The following TBC1D8B variants were observed in gnomAD, a reference collection of about 807,000 sequenced individuals.
TBC1D8B encodes RP11-321G1.1.
Under a neutral mutation model 82.9 loss-of-function variants are expected in TBC1D8B, and 75 were observed. The observed-to-expected ratio is 0.90, with a 90% CI of 0.75 to 1.10. The LOEUF (loss-of-function observed/expected upper bound fraction) is 1.10, where lower values mean the gene tolerates loss of function less well. Ranked by LOEUF, TBC1D8B falls within the 50% of genes least tolerant of loss-of-function variation. The pLI, the probability that TBC1D8B is intolerant of heterozygous loss-of-function variation, is 0.00. For synonymous variants in TBC1D8B, 276 were observed against 276.8 expected, an observed-to-expected ratio of 1.00 and a Z score of 0.03; for missense variants, 794 against 796.9, an observed-to-expected ratio of 1.00 and a Z score of 0.04.
At chrX:106,834,671 TA>T (rs1163989058) in intron 7 of TBC1D8B, among the ~76,000 whole-genome samples, 4 of 111,597 alleles carry the variant, frequency 3.6e-5, no homozygotes, top group Admixed American at 2.8e-4. Context: ...ACAATGGGGG[TA>T]CAGGCATTGG....
At chrX:106,872,683 C>T (rs1932857799) in intron 20 of TBC1D8B, among the ~76,000 whole-genome samples, 1 of 109,889 alleles carries the variant, frequency 9.1e-6, no homozygotes, top group African/African-American at 3.3e-5. Context: ...AGAAGTACCA[C>T]CTGGCCAGGC....
In TBC1D8B at chrX:106,874,284, C is replaced by A. The variant is rs1429993099; in HGVS notation, c.*319C>A. ...CAGGGGAATATGCTAAATGTTACCA[C>A]CAGAGGGCACAAGCATATCACTTTT... On this transcript the variant is annotated 3_prime_UTR_variant, in exon 21 of 21. Transcript: ENST00000357242. 1 of 145,184 alleles carries A rather than the reference C, an allele frequency of 6.9e-6. No homozygotes were observed. The highest frequency in any genetic ancestry group is 8.4e-5 in the Admixed American group (1 of 11,956). 12.0% of individuals were successfully genotyped at this position (145,184 alleles called of 1,213,427 possible).
intron 7 of TBC1D8B, chrX:106,829,076 A>T (rs941312506): frequency 1.9e-5 from 2 of 106,834 alleles, no homozygotes; most frequent in African/African-American, 7.5e-5. Flanking sequence ...CCTTAAGCTG[A>T]TAAGCAACTT....
intron 14 of TBC1D8B, among the ~76,000 whole-genome samples, chrX:106,861,206 G>T (rs1278582619): frequency 9.0e-6 from 1 of 111,371 alleles, no homozygotes; most frequent in African/African-American, 3.3e-5. Flanking sequence ...CTGTTGTTTT[G>T]GGGGGAAAAG....
At position 106,850,177 on chromosome X, in the gene TBC1D8B, G is replaced by C. The variant is rs1932557469; in HGVS notation, c.1990G>C (p.Val664Leu). The C allele has an allele frequency of 1.7e-6, 2 of 1,209,548 alleles. No homozygotes were observed. Among genetic ancestry groups the C allele is most frequent in the Admixed American group, 4.4e-5 (2 of 45,673 alleles). Reference sequence around the variant, plus strand: ...TAGTGTGCTACCTATTGAAAGTGCAGTGAATGTGGTGGACTGTTTCTTCTA... The same window carrying C: ...TAGTGTGCTACCTATTGAAAGTGCACTGAATGTGGTGGACTGTTTCTTCTA... ...FISVLPIESA[V>L]NVVDCFFYDG... The change falls in exon 12 of 21, where the codon GTG becomes CTG. Residue 664 changes from valine to leucine, a missense_variant. By Grantham distance (32) the Val-to-Leu change is conservative. Transcript: ENST00000357242.
At chrX:106,843,372 C>A (rs1274205757) in intron 10 of TBC1D8B, among the ~76,000 whole-genome samples, 10 of 111,527 alleles carry the variant, frequency 9.0e-5, no homozygotes, top group South Asian at 7.4e-4. Flanking sequence ...CCAAATCTCC[C>A]CTTCATTGTA....
chrX:106,834,406 G>C (rs1050928313), intron 7 of TBC1D8B, among the ~76,000 whole-genome samples: 6 of 111,202 alleles, frequency 5.4e-5, no homozygotes, highest in African/African-American at 1.6e-4. Context: ...GACACGTGGG[G>C]ATTATTACAA....
intron 17 of TBC1D8B, among the ~76,000 whole-genome samples, chrX:106,867,455 C>T (rs1381875354): frequency 9.0e-6 from 1 of 111,424 alleles, no homozygotes; most frequent in African/African-American, 3.3e-5. Context: ...AAGATCACAT[C>T]GCTAATAAAT....
intron 6 of TBC1D8B, 79 bp downstream of exon 6, chrX:106,826,316 T>C: frequency 1.2e-6 from 1 of 803,907 alleles, no homozygotes; most frequent in Non-Finnish European, 1.8e-6. Flanking sequence ...TTTAATTCTA[T>C]AAATTATTAA....
At chrX:106,812,139 G>C (rs1346643734) in intron 1 of TBC1D8B, among the ~76,000 whole-genome samples, 1 of 111,664 alleles carries the variant, frequency 9.0e-6, no homozygotes, top group Non-Finnish European at 1.9e-5. Context: ...AATGCCAACT[G>C]TGGCTATTGA....
chrX:106,810,497 G>T (rs1463944071), intron 1 of TBC1D8B, among the ~76,000 whole-genome samples: 2 of 111,696 alleles, frequency 1.8e-5, no homozygotes, highest in Non-Finnish European at 3.8e-5. Context: ...CTGAGATAGA[G>T]AATTAAAGGG....
At chrX:106,870,928 A>G (rs1932844420) in intron 20 of TBC1D8B, 115 bp downstream of exon 20, 1 of 447,026 alleles carries the variant, frequency 2.2e-6, no homozygotes, top group East Asian at 4.3e-5. Flanking sequence ...TCTATCTATT[A>G]GCTCTCTAAG....
At chrX:106,831,048 A>C (rs989975294) in intron 7 of TBC1D8B, among the ~76,000 whole-genome samples, 1 of 111,115 alleles carries the variant, frequency 9.0e-6, no homozygotes, top group African/African-American at 3.3e-5. Flanking sequence ...AGACAGGTCA[A>C]ATTCAAATGA....
intron 20 of TBC1D8B, among the ~76,000 whole-genome samples, chrX:106,873,145 T>C (rs901485101): frequency 2.7e-5 from 3 of 111,807 alleles, no homozygotes; most frequent in African/African-American, 9.8e-5. Flanking sequence ...TTGCCCAGGC[T>C]GGAGTGCAAT....
chrX:106,861,189 A>T (rs1248168042), intron 14 of TBC1D8B, among the ~76,000 whole-genome samples: 1 of 111,704 alleles, frequency 9.0e-6, no homozygotes, highest in Non-Finnish European at 1.9e-5. Flanking sequence ...GACGAGAAGA[A>T]TATGTTCTGT....
At chrX:106,826,313 C>T (rs1000488770) in intron 6 of TBC1D8B, 76 bp downstream of exon 6, 6 of 833,422 alleles carry the variant, frequency 7.2e-6, no homozygotes. Flanking sequence ...TCCTTTAATT[C>T]TATAAATTAT....
At chrX:106,818,549 C>A in intron 1 of TBC1D8B, 114 bp from the exon 2 acceptor site, 5 of 459,332 alleles carry the variant, frequency 1.1e-5, no homozygotes, top group Non-Finnish European at 1.7e-5. Flanking sequence ...TCTGTAAGGA[C>A]TCTATGGGCT....
chrX:106,845,409 A>G (rs1932418651), intron 10 of TBC1D8B, among the ~76,000 whole-genome samples: 1 of 105,722 alleles, frequency 9.5e-6, no homozygotes, highest in African/African-American at 3.4e-5. Flanking sequence ...TTAACTCATC[A>G]TTTAGCATTA....
intron 7 of TBC1D8B, among the ~76,000 whole-genome samples, chrX:106,831,039 G>T (rs955867571): frequency 2.7e-5 from 3 of 110,860 alleles, no homozygotes; most frequent in African/African-American, 9.8e-5. Flanking sequence ...TGGAAATGCA[G>T]ACAGGTCAAA....
Sources: gnomAD v4.1 joint callset for allele counts (sites outside exome capture counted in the v4.1 genomes callset) on GRCh38, gnomAD v4.1.1 for gene constraint, MANE v1.5 for transcripts, NCBI Gene and HGNC (gene_info 2026-07-23, HGNC 2026-07-21) for gene names.